Variants in GMDS observed in about 807,000 individuals in gnomAD.
The protein encoded by GMDS is GDP-mannose 4,6-dehydratase, also known as GDP-mannose 4,6 dehydratase.
In GMDS, 20 loss-of-function variants were observed where a neutral mutation model predicts 49.9. The observed-to-expected ratio is 0.40, with a 90% confidence interval of 0.28 to 0.58. GMDS has a LOEUF of 0.58. GMDS is among the 20% of genes least tolerant of loss of function. GMDS has a pLI of 0.42. For synonymous variants in GMDS, 177 were observed against 178.6 expected (o/e 0.99, Z 0.07); for missense variants, 362 against 481.4 (o/e 0.75, Z 2.32).
intron 6 of GMDS, among the ~76,000 whole-genome samples, chr6:1,931,183 T>C (rs917095225): frequency 4.6e-5 from 7 of 152,250 alleles, no homozygotes; most frequent in Admixed American, 1.3e-4. Flanking sequence ...AGTTTAGATA[T>C]GTGAATATCA....
intron 9 of GMDS, among the ~76,000 whole-genome samples, chr6:1,633,290 T>G (rs376800331): frequency 2.0e-5 from 3 of 152,378 alleles, no homozygotes; most frequent in East Asian, 1.9e-4. Flanking sequence ...ATTTTCTGAA[T>G]AGCTGTAACA....
chr6:1,892,555 C>CA (rs1554130556), intron 7 of GMDS, among the ~76,000 whole-genome samples: 1 of 152,116 alleles, frequency 6.6e-6, no homozygotes. Flanking sequence ...AATGGGGTTT[C>CA]ACCACATTGG....
chr6:2,159,979 T>C (rs1777311703), intron 1 of GMDS, among the ~76,000 whole-genome samples: 1 of 152,180 alleles, frequency 6.6e-6, no homozygotes, highest in African/African-American at 2.4e-5. Flanking sequence ...TCATATTATA[T>C]AGCACCATGC....
chr6:2,242,314 A>C (rs1781649571), intron 1 of GMDS, among the ~76,000 whole-genome samples: 1 of 152,226 alleles, frequency 6.6e-6, no homozygotes, highest in Non-Finnish European at 1.5e-5. Context: ...AGCTTTTAAG[A>C]GTGGCTGGCA....
intron 4 of GMDS, among the ~76,000 whole-genome samples, chr6:1,966,302 A>C (rs1764253611): frequency 1.3e-5 from 2 of 151,172 alleles, no homozygotes; most frequent in South Asian, 4.2e-4. Context: ...GCATTTTCAG[A>C]GGCATGCAGA....
chr6:2,245,310 C>A lies in GMDS; in HGVS notation c.102+11G>T, dbSNP rs1401588799. ...CTGCCTCGGCCGGCGCGCCCCCGCC[C>A]CCGCACTCACCTGGCCTGTGATACC... On this transcript the variant is annotated intron_variant, in intron 1 of 10. Coordinates refer to ENST00000380815, the MANE Select transcript of GMDS (RefSeq NM_001500.4). 5 of 1,523,830 alleles carry A rather than the reference C, an allele frequency of 3.3e-6. No homozygotes were observed. The highest frequency in any genetic ancestry group is 4.4e-6 in the Non-Finnish European group (5 of 1,133,584). The allele number at this position is 1,523,830 out of a possible 1,614,324, so 94.4% of individuals were successfully genotyped here. A position where few individuals can be genotyped will look rare whatever the true frequency, so the allele number is the denominator to read the frequency against.
chr6:2,221,977 C>A (rs1780613207), intron 1 of GMDS, among the ~76,000 whole-genome samples: 1 of 152,012 alleles, frequency 6.6e-6, no homozygotes, highest in South Asian at 2.1e-4. Flanking sequence ...CGTAAAGAAA[C>A]AGGTTTTCTT....
chr6:1,801,666 A>G (rs1008792688), intron 7 of GMDS, among the ~76,000 whole-genome samples: 1 of 152,260 alleles, frequency 6.6e-6, no homozygotes. Context: ...AGCACACCTG[A>G]GCAAATGAGG....
intron 4 of GMDS, among the ~76,000 whole-genome samples, chr6:2,017,002 A>G (rs1767942919): frequency 1.3e-5 from 2 of 152,224 alleles, no homozygotes; most frequent in Admixed American, 6.5e-5. Flanking sequence ...GCTAAAAAAA[A>G]AGACAAATCG....
At chr6:2,062,841 G>C (rs546397960) in intron 4 of GMDS, among the ~76,000 whole-genome samples, 1 of 152,308 alleles carries the variant, frequency 6.6e-6, no homozygotes, top group East Asian at 1.9e-4. Context: ...CCTGTGATTT[G>C]GGACAAATTA....
chr6:2,200,193 C>T (rs1258039724), intron 1 of GMDS, among the ~76,000 whole-genome samples: 5 of 151,968 alleles, frequency 3.3e-5, no homozygotes, highest in African/African-American at 9.7e-5. Flanking sequence ...GGGACACAGA[C>T]GAGAAACAAA....
chr6:1,678,389 A>C (rs1764689173), intron 9 of GMDS, among the ~76,000 whole-genome samples: 1 of 152,040 alleles, frequency 6.6e-6, no homozygotes, highest in Non-Finnish European at 1.5e-5. Context: ...GCAAGCTCTG[A>C]TTCTTTGTAT....
intron 1 of GMDS, among the ~76,000 whole-genome samples, chr6:2,203,943 A>G (rs985390463): frequency 6.6e-6 from 1 of 152,188 alleles, no homozygotes; most frequent in African/African-American, 2.4e-5. Flanking sequence ...TCCTTAATTG[A>G]GGGTGGGAGG....
chr6:2,150,234 T>C (rs1436444287), intron 1 of GMDS, among the ~76,000 whole-genome samples: 2 of 152,100 alleles, frequency 1.3e-5, no homozygotes, highest in Non-Finnish European at 2.9e-5. Context: ...CACCAACTTC[T>C]GATCAAGGTG....
chr6:1,999,129 C>CT (rs1581489503), intron 4 of GMDS, among the ~76,000 whole-genome samples: 1 of 152,004 alleles, frequency 6.6e-6, no homozygotes, highest in Non-Finnish European at 1.5e-5. Context: ...CGAGACCAGC[C>CT]TGGCCAACAT....
intron 7 of GMDS, among the ~76,000 whole-genome samples, chr6:1,825,706 A>G (rs1484066230): frequency 6.6e-6 from 1 of 152,240 alleles, no homozygotes; most frequent in Non-Finnish European, 1.5e-5. Context: ...GCAGTAAAAT[A>G]TAGCATAAAA....
intron 4 of GMDS, among the ~76,000 whole-genome samples, chr6:1,997,366 G>C (rs951811922): frequency 2.0e-5 from 3 of 151,932 alleles, no homozygotes; most frequent in African/African-American, 7.3e-5. Context: ...AAATTAGCCA[G>C]GCGTGGTGGC....
intron 4 of GMDS, among the ~76,000 whole-genome samples, chr6:1,973,106 T>G (rs560186339): frequency 1.3e-5 from 2 of 152,244 alleles, no homozygotes; most frequent in East Asian, 3.9e-4. Flanking sequence ...ATAAATAAGC[T>G]CTCATCAGCC....
At chr6:2,083,359 C>T (rs1399466179) in intron 4 of GMDS, among the ~76,000 whole-genome samples, 1 of 152,132 alleles carries the variant, frequency 6.6e-6, no homozygotes, top group East Asian at 1.9e-4. Context: ...CATAGTATTA[C>T]CATTATTAAG....
Sources: gnomAD v4.1 joint callset for allele counts (sites outside exome capture counted in the v4.1 genomes callset) on GRCh38, gnomAD v4.1.1 for gene constraint, MANE v1.5 for transcripts, NCBI Gene and HGNC (gene_info 2026-07-23, HGNC 2026-07-21) for gene names.